The following PDE11A variants were observed in gnomAD, a reference collection of about 807,000 sequenced individuals.
PDE11A encodes phosphodiesterase 11A, also known as dual 3',5'-cyclic-AMP and -GMP phosphodiesterase 11A.
Under a neutral mutation model 100.5 loss-of-function variants are expected in PDE11A, and 100 were observed. The ratio of observed to expected loss-of-function variants is 1.00; its 90% confidence interval spans 0.85 to 1.18. The LOEUF (loss-of-function observed/expected upper bound fraction) is 1.18, where lower values mean the gene tolerates loss of function less well. PDE11A is among the 50% of genes most tolerant of loss of function. The pLI is 0.00. For synonymous variants in PDE11A, 381 were observed against 420.8 expected (o/e 0.91, Z 1.16); for missense variants, 1,141 against 1,152.6 (o/e 0.99, Z 0.15).
At chr2:177,928,450 G>T (rs1183295973) in intron 2 of PDE11A, among the ~76,000 whole-genome samples, 1 of 152,170 alleles carries the variant, frequency 6.6e-6, no homozygotes, top group African/African-American at 2.4e-5. Context: ...GTGAACTATG[G>T]TCTTGCCACT....
chr2:177,805,292 A>T (rs1314120467), intron 9 of PDE11A, among the ~76,000 whole-genome samples: 1 of 152,108 alleles, frequency 6.6e-6, no homozygotes, highest in Non-Finnish European at 1.5e-5. Flanking sequence ...TCCTTACAAG[A>T]ATTTATCACA....
Position 177,711,784 on chromosome 2 carries a change from T to A in PDE11A, c.2138A>T (p.Asn713Ile). ...CHDLDHRGTN[N>I]AFQAKSGSAL... ...GAACACTTACTTAGCTTGGAAGGCA[T>A]TGTTGGTTCCCCTGTGGTCGAGGTC... Residue 713 changes from asparagine to isoleucine, a missense_variant, in exon 13 of 20, where the codon AAT (asparagine) becomes ATT (isoleucine). Physicochemically the swap from Asn to Ile is moderately radical, Grantham distance 149 (BLOSUM62 -3). Transcript: ENST00000286063. The A allele has an allele frequency of 6.3e-7, 1 of 1,583,674 alleles. No homozygotes were observed. Among genetic ancestry groups the A allele is most frequent in the Non-Finnish European group, 8.7e-7 (1 of 1,152,304 alleles).
chr2:177,853,672 ATATATATATG>A (rs1160895485), intron 5 of PDE11A, among the ~76,000 whole-genome samples: 2 of 34,204 alleles, frequency 5.8e-5, no homozygotes, highest in South Asian at 1.2e-3. Context: ...ATATATATAT[ATATATATATG>A]TGTGTGTGTG....
intron 2 of PDE11A, among the ~76,000 whole-genome samples, chr2:178,087,438 A>G (rs569691579): frequency 6.6e-6 from 1 of 152,286 alleles, no homozygotes; most frequent in Non-Finnish European, 1.5e-5. Context: ...GTGCAGCAAC[A>G]TGGATAAAAC....
At chr2:177,717,756 C>G (rs1332762468) in intron 12 of PDE11A, among the ~76,000 whole-genome samples, 2 of 152,204 alleles carry the variant, frequency 1.3e-5, no homozygotes, top group Non-Finnish European at 1.5e-5. Context: ...AGCCTACCCC[C>G]AGCCACTACG....
chr2:177,984,148 G>A (rs533335298), intron 2 of PDE11A, among the ~76,000 whole-genome samples: 6 of 152,132 alleles, frequency 3.9e-5, no homozygotes, highest in East Asian at 1.9e-4. Context: ...AATTTGAAAC[G>A]TAGACATGAA....
intron 19 of PDE11A, among the ~76,000 whole-genome samples, chr2:177,639,308 C>A (rs1269344918): frequency 6.6e-6 from 1 of 152,134 alleles, no homozygotes; most frequent in Non-Finnish European, 1.5e-5. Flanking sequence ...CGTTACTCAA[C>A]CATGGCTAGT....
chr2:177,750,242 C>G (rs371351692), intron 10 of PDE11A, among the ~76,000 whole-genome samples: 1 of 152,126 alleles, frequency 6.6e-6, no homozygotes, highest in Non-Finnish European at 1.5e-5. Context: ...TAGGAGCTCC[C>G]CTTCTTTGGG....
intron 2 of PDE11A, among the ~76,000 whole-genome samples, chr2:178,085,284 C>T (rs887690627): frequency 2.0e-5 from 3 of 151,980 alleles, no homozygotes; most frequent in Admixed American, 6.6e-5. Flanking sequence ...AAAATGGTGA[C>T]CTATGTTATA....
intron 2 of PDE11A, among the ~76,000 whole-genome samples, chr2:177,928,306 G>C (rs994415067): frequency 2.6e-5 from 4 of 152,022 alleles, no homozygotes; most frequent in African/African-American, 9.7e-5. Flanking sequence ...GAACAGCCTG[G>C]GCCACAAAGT....
chr2:177,776,419 CA>C (rs2082378586), intron 9 of PDE11A, among the ~76,000 whole-genome samples: 3 of 152,286 alleles, frequency 2.0e-5, no homozygotes, highest in African/African-American at 7.2e-5. Flanking sequence ...CTTTCACCCC[CA>C]CCTCACAACA....
rs528930787 is a variant in PDE11A, at chr2:178,052,884, C to CA, written c.912+18641dup. Among the ~76,000 whole-genome samples, 463 of 151,918 alleles carry CA rather than the reference C, an allele frequency of 3.0e-3. 3 individuals are homozygous for CA. The highest frequency in any genetic ancestry group is 0.01 in the African/African-American group (432 of 41,500). On this transcript the variant is annotated intron_variant, in intron 1 of 19. Transcript: ENST00000286063. ...GAGGCAATAATTAAGAGCCTACCAA[C>CA]AAAAAAAAGTCCAGGACCAGACGGA...
At chr2:177,649,863 A>G (rs2080283433) in intron 19 of PDE11A, among the ~76,000 whole-genome samples, 1 of 152,206 alleles carries the variant, frequency 6.6e-6, no homozygotes, top group East Asian at 1.9e-4. Flanking sequence ...TTAGCAATAA[A>G]AAATTTAAAA....
intron 19 of PDE11A, among the ~76,000 whole-genome samples, chr2:177,649,948 AT>A (rs1290965038): frequency 6.6e-6 from 1 of 152,254 alleles, no homozygotes; most frequent in Non-Finnish European, 1.5e-5. Context: ...TGATTGGTTA[AT>A]TGTTAAAAAA....
At chr2:177,919,580 G>A (rs2695731) in intron 2 of PDE11A, among the ~76,000 whole-genome samples, 109,702 of 152,030 alleles carry the variant, frequency 0.72, 40,158 homozygotes, top group East Asian at 0.79. Flanking sequence ...AATATTCTAA[G>A]AGGTCATTTG....
chr2:177,938,090 A>T (rs13008170), intron 2 of PDE11A, among the ~76,000 whole-genome samples: 13,148 of 152,254 alleles, frequency 0.086, 543 homozygotes, highest in South Asian at 0.099. Flanking sequence ...AATGACAATT[A>T]GGATAAAAGG....
intron 9 of PDE11A, among the ~76,000 whole-genome samples, chr2:177,789,913 T>C (rs1343166616): frequency 6.6e-6 from 1 of 151,574 alleles, no homozygotes; most frequent in Non-Finnish European, 1.5e-5. Context: ...TGGAAGAACA[T>C]TCCATGCTCA....
chr2:177,744,911 T>G (rs1475405607), intron 10 of PDE11A, among the ~76,000 whole-genome samples: 1 of 152,236 alleles, frequency 6.6e-6, no homozygotes, highest in Non-Finnish European at 1.5e-5. Context: ...CAGATGGGGC[T>G]TCTACTTCAG....
At chr2:178,042,086 C>T (rs1200641838) in intron 1 of PDE11A, among the ~76,000 whole-genome samples, 1 of 152,186 alleles carries the variant, frequency 6.6e-6, no homozygotes, top group Non-Finnish European at 1.5e-5. Context: ...GGAAAGAGGA[C>T]AATTAGTAAA....
Sources: gnomAD v4.1 joint callset for allele counts (sites outside exome capture counted in the v4.1 genomes callset) on GRCh38, gnomAD v4.1.1 for gene constraint, MANE v1.5 for transcripts, NCBI Gene and HGNC (gene_info 2026-07-23, HGNC 2026-07-21) for gene names.